CCNB3: variants seen among roughly 807,000 people sequenced by gnomAD.
CCNB3 encodes cyclin B3, also known as G2/mitotic-specific cyclin-B3.
Under a neutral mutation model 68.0 loss-of-function variants are expected in CCNB3, and 12 were observed. That is an observed-to-expected ratio of 0.18 (90% CI 0.11 to 0.29). The LOEUF (loss-of-function observed/expected upper bound fraction) is 0.29. Ranked by LOEUF, CCNB3 falls within the 10% of genes least tolerant of loss-of-function variation. The pLI is 1.00. For missense variants in CCNB3, 904 were observed against 993.1 expected, an observed-to-expected ratio of 0.91 and a Z score of 1.21; for synonymous variants, 354 against 388.9, an observed-to-expected ratio of 0.91 and a Z score of 1.06.
intron 5 of CCNB3, among the ~76,000 whole-genome samples, chrX:50,295,798 C>T (rs1246760731): frequency 9.0e-6 from 1 of 111,329 alleles, no homozygotes; most frequent in African/African-American, 3.3e-5. Context: ...CAACACATAC[C>T]AGTACTATTG....
chrX:50,330,946 C>T (rs1461545653), intron 8 of CCNB3, among the ~76,000 whole-genome samples: 3 of 111,864 alleles, frequency 2.7e-5, no homozygotes, highest in African/African-American at 6.5e-5. Flanking sequence ...ATAGTCAAGG[C>T]TCTGTTGGTT....
intron 1 of CCNB3, among the ~76,000 whole-genome samples, chrX:50,207,256 T>C (rs1935384314): frequency 8.9e-6 from 1 of 111,966 alleles, no homozygotes; most frequent in Non-Finnish European, 1.9e-5. Flanking sequence ...GAGATGATTA[T>C]GACAATAGTG....
At chrX:50,286,410 C>CT (rs985049588) in intron 3 of CCNB3, among the ~76,000 whole-genome samples, 5 of 110,569 alleles carry the variant, frequency 4.5e-5, no homozygotes, top group Admixed American at 9.7e-5. Context: ...AAGCAATTCC[C>CT]TGCCTTAGCA....
At chrX:50,219,253 G>T (rs1359218328) in intron 1 of CCNB3, among the ~76,000 whole-genome samples, 1 of 111,676 alleles carries the variant, frequency 9.0e-6, no homozygotes, top group Non-Finnish European at 1.9e-5. Context: ...TTATTTTGCT[G>T]TGCAGAAGCT....
At chrX:50,299,555 A>G (rs1936573425) in intron 5 of CCNB3, among the ~76,000 whole-genome samples, 1 of 111,060 alleles carries the variant, frequency 9.0e-6, no homozygotes, top group Non-Finnish European at 1.9e-5. Flanking sequence ...ACTTCCAACT[A>G]TGTGGTCAAT....
chrX:50,339,614 CAT>C (rs1923025082), intron 8 of CCNB3, among the ~76,000 whole-genome samples: 1 of 111,626 alleles, frequency 9.0e-6, no homozygotes, highest in African/African-American at 3.3e-5. Context: ...ACCTGGTAAA[CAT>C]AGCGAGATCC....
At chrX:50,296,102 CTTTA>C (rs782330801) in intron 5 of CCNB3, among the ~76,000 whole-genome samples, 3 of 111,049 alleles carry the variant, frequency 2.7e-5, no homozygotes, top group Non-Finnish European at 5.7e-5. Flanking sequence ...ATCATTCTGA[CTTTA>C]TTTTTTTATG....
chrX:50,224,184 C>A (rs987328781), intron 1 of CCNB3, among the ~76,000 whole-genome samples: 2,599 of 110,424 alleles, frequency 0.024, 64 homozygotes, highest in African/African-American at 0.082. Flanking sequence ...TAAAAATATT[C>A]TTTTATAGTT....
intron 5 of CCNB3, among the ~76,000 whole-genome samples, chrX:50,305,512 G>A (rs1557213407): frequency 2.7e-5 from 3 of 110,583 alleles, no homozygotes; most frequent in South Asian, 3.9e-4. Flanking sequence ...TTGTGGGGTC[G>A]GGGAAGAGGG....
chrX:50,215,109 C>T (rs1935550953), intron 1 of CCNB3, among the ~76,000 whole-genome samples: 1 of 110,484 alleles, frequency 9.1e-6, no homozygotes, highest in Non-Finnish European at 1.9e-5. Flanking sequence ...CTTGCCTCAG[C>T]CTCCCGAGTA....
intron 5 of CCNB3, among the ~76,000 whole-genome samples, chrX:50,299,183 T>C (rs1936562197): frequency 9.0e-6 from 1 of 111,670 alleles, no homozygotes; most frequent in African/African-American, 3.3e-5. Flanking sequence ...AGCTTTTGAA[T>C]GTGTTTGCTC....
chrX:50,329,541 G>A (rs1922481339), intron 8 of CCNB3, among the ~76,000 whole-genome samples: 1 of 112,782 alleles, frequency 8.9e-6, no homozygotes, highest in South Asian at 3.6e-4. Flanking sequence ...AGGGATGCGG[G>A]GAGCAGTGTC....
chrX:50,208,952 G>A (rs1935426972), intron 1 of CCNB3, among the ~76,000 whole-genome samples: 1 of 111,401 alleles, frequency 9.0e-6, no homozygotes, highest in African/African-American at 3.3e-5. Context: ...ATTTCCTATT[G>A]GGTGTGTTGT....
chrX:50,216,548 A>C (rs1935576347), intron 1 of CCNB3, among the ~76,000 whole-genome samples: 1 of 111,495 alleles, frequency 9.0e-6, no homozygotes, highest in Middle Eastern at 4.6e-3. Flanking sequence ...GATTACAGGC[A>C]TGAGCCACTG....
intron 5 of CCNB3, among the ~76,000 whole-genome samples, chrX:50,298,561 G>A (rs1936536864): frequency 9.0e-6 from 1 of 111,598 alleles, no homozygotes; most frequent in African/African-American, 3.3e-5. Context: ...TTTTTGCATC[G>A]ATGTTCATCA....
chrX:50,342,120 T>C, intron 8 of CCNB3, 82 bp from the exon 9 acceptor site: 1 of 1,083,296 alleles, frequency 9.2e-7, no homozygotes, highest in Non-Finnish European at 1.3e-6. Flanking sequence ...ATGTTGCAGA[T>C]ACTCCAGGTA....
chrX:50,328,541 CACCT>C (rs1557217630), intron 8 of CCNB3, among the ~76,000 whole-genome samples: 5 of 111,738 alleles, frequency 4.5e-5, no homozygotes, highest in Admixed American at 3.8e-4. Flanking sequence ...ATGACCCAAA[CACCT>C]CCCACCAGGC....
At position 50,323,358 on chromosome X, in the gene CCNB3, G is replaced by A. The variant is rs782619120; in HGVS notation, c.3516+9410G>A. Among the ~76,000 whole-genome samples the A allele has an allele frequency of 1.3e-4, 13 of 102,961 alleles. No homozygotes were observed. The South Asian group carries it at 3.6e-3, about 29-fold the overall frequency. The allele number at this position is 102,961 out of a possible 115,157, so 89.4% of individuals were successfully genotyped here. On this transcript the variant is annotated intron_variant, in intron 8 of 12. Transcript: ENST00000376042. ...ACCGCATGTTCTCACTCAGGTGGGA[G>A]TTGAACAATGAGAACACATGGACAC... is the stretch of plus-strand genomic sequence containing the variant.
At chrX:50,304,463 A>C (rs1936715705) in intron 5 of CCNB3, among the ~76,000 whole-genome samples, 1 of 111,798 alleles carries the variant, frequency 8.9e-6, no homozygotes, top group Non-Finnish European at 1.9e-5. Context: ...TAGAAAGCTG[A>C]AACTGGATCC....
Sources: allele counts gnomAD v4.1 joint callset (sites outside exome capture counted in the v4.1 genomes callset), GRCh38; gene constraint gnomAD v4.1.1; transcripts MANE v1.5; gene names NCBI Gene and HGNC (gene_info 2026-07-23, HGNC 2026-07-21).